Variants in MDP1 observed in about 807,000 individuals in gnomAD.
The protein encoded by MDP1 is magnesium dependent phosphatase 1, also known as magnesium-dependent phosphatase 1.
Under a neutral mutation model 21.6 loss-of-function variants are expected in MDP1, and 18 were observed. The observed-to-expected ratio is 0.83, with a 90% CI of 0.58 to 1.24. MDP1 has a LOEUF of 1.24. MDP1 is among the 50% of genes most tolerant of loss of function. The probability of loss-of-function intolerance (pLI) is 0.00; values close to 1 mark genes in which losing one functional copy is unlikely to be tolerated. For synonymous variants in MDP1, 101 were observed against 83.2 expected (o/e 1.21, Z -1.16); for missense variants, 207 against 218.6 (o/e 0.95, Z 0.33).
Position 24,215,779 on chromosome 14 carries a change from A to T in MDP1, c.56T>A (p.Phe19Tyr), listed in dbSNP as rs767754561. Residue 19 changes from phenylalanine to tyrosine, a missense_variant, in exon 2 of 6, where the codon TTC becomes TAC. Physicochemically the swap from Phe to Tyr is conservative, Grantham distance 22. Transcript: ENST00000288087. ...AGGGTCTACGTGCGTGTCGACCCAGAAAGGCCAGAGAGTGTAATCTGCGAG... is the reference window on the plus strand; with the variant it reads ...AGGGTCTACGTGCGTGTCGACCCAGTAAGGCCAGAGAGTGTAATCTGCGAG... ...VFDLDYTLWP[F>Y]WVDTHVDPPF... 6.2e-7 allele frequency: 1 copy of T among 1,614,184 alleles called. No homozygotes were observed. Among genetic ancestry groups the T allele is most frequent in the Non-Finnish European group, 8.5e-7 (1 of 1,180,032 alleles).
At position 24,213,985 on chromosome 14, in the gene MDP1, C is replaced by T. The variant is rs1191747497; in HGVS notation, c.*39G>A. Reference sequence around the variant, plus strand: ...CACACAGATGAACTTTAATAAATTACAAATGCACCTGAAAATGCCTTCTTG... The same window carrying T: ...CACACAGATGAACTTTAATAAATTATAAATGCACCTGAAAATGCCTTCTTG... On this transcript the variant is annotated 3_prime_UTR_variant, in exon 6 of 6. Coordinates refer to ENST00000288087, the MANE Select transcript of MDP1 (RefSeq NM_138476.4). The T allele has an allele frequency of 1.3e-6, 2 of 1,542,108 alleles. No individual in the cohort carries two copies. The highest frequency in any genetic ancestry group is 2.3e-5 in the East Asian group (1 of 44,180).
intron 4 of MDP1, 46 bp downstream of exon 4, chr14:24,214,446 C>T (rs953989666): frequency 7.4e-6 from 12 of 1,614,146 alleles, no homozygotes; most frequent in Non-Finnish European, 9.3e-6. Flanking sequence ...GTTTCCCAGG[C>T]CTCTCTGATA....
rs775015101 is a variant in MDP1 at position 24,215,636 on chromosome 14, C to T, written c.125G>A (p.Gly42Asp). ...SSDGTVRDRR[G>D]QDVRLYPEVP... ...CTCTGGGTACAGTCGGACGTCTTGG[C>T]CCCGCCTATCTCGTACAGTTCCATC... is the stretch of plus-strand genomic sequence containing the variant. Residue 42 changes from glycine (G) to aspartate (D), a missense_variant, in exon 3 of 6, where the codon GGC becomes GAC. Physicochemically the swap from Gly to Asp is moderately conservative, Grantham distance 94. Transcript: ENST00000288087. 1.4e-5 allele frequency: 23 copies of T among 1,614,054 alleles called. No homozygotes were observed. The highest frequency in any genetic ancestry group is 1.9e-5 in the Non-Finnish European group (23 of 1,180,044).
chr14:24,214,384 T>C lies in MDP1; in HGVS notation c.329A>G (p.Lys110Arg), dbSNP rs370925626. Residue 110 changes from lysine to arginine, a missense_variant, in exon 5 of 6, where the codon AAG becomes AGG. Physicochemically the swap from Lys to Arg is conservative, Grantham distance 26. Coordinates refer to ENST00000288087, the MANE Select transcript of MDP1 (RefSeq NM_138476.4). ...CATCTGGGAGAAAGGAATTCCAGTC[T>C]TCTGCTGCAACCTATTCAAGACAGG... The part of the protein sequence containing the change: ...KITHFERLQQ[K>R]TGIPFSQMIF... 3.2e-5 allele frequency: 51 copies of C among 1,614,088 alleles called. No individual in the cohort carries two copies. The highest frequency in any genetic ancestry group is 4.2e-5 in the Non-Finnish European group (50 of 1,180,050).
chr14:24,214,550 A>C lies in MDP1; in HGVS notation c.259T>G (p.Phe87Val). The change falls in exon 4 of 6, where the codon TTC becomes GTC. Residue 87 changes from phenylalanine (F) to valine (V), a missense_variant. By Grantham distance (50) the Phe-to-Val change is conservative. Coordinates refer to ENST00000288087, the MANE Select transcript of MDP1 (RefSeq NM_138476.4). ...ATTTCCCGATGAACAAAGTACCTGAAGAGGTCAAAGAGCTCCAGTAGCTGG... is the reference window on the plus strand; with the variant it reads ...ATTTCCCGATGAACAAAGTACCTGACGAGGTCAAAGAGCTCCAGTAGCTGG... The part of the protein sequence containing the change: ...ANQLLELFDL[F>V]RYFVHREIYP... 1 of 1,614,200 alleles carries C rather than the reference A, an allele frequency of 6.2e-7. No individual in the cohort carries two copies. Among genetic ancestry groups the C allele is most frequent in the South Asian group, 1.1e-5 (1 of 91,078 alleles).
chr14:24,215,633 T>C lies in MDP1; in HGVS notation c.128A>G (p.Gln43Arg), dbSNP rs759281065. 9 of 1,614,036 alleles carry C rather than the reference T, an allele frequency of 5.6e-6. No individual in the cohort carries two copies. The highest frequency in any genetic ancestry group is 2.2e-5 in the South Asian group (2 of 91,084). Residue 43 changes from glutamine to arginine, a missense_variant, in exon 3 of 6, where the codon CAA becomes CGA. By Grantham distance (43) the Gln-to-Arg change is conservative. Coordinates refer to ENST00000288087, the MANE Select transcript of MDP1 (RefSeq NM_138476.4). ...CACCTCTGGGTACAGTCGGACGTCT[T>C]GGCCCCGCCTATCTCGTACAGTTCC... ...SDGTVRDRRG[Q>R]DVRLYPEVPE...
rs764599103 is a variant in MDP1, at chr14:24,215,639, C to T, written c.122G>A (p.Arg41Gln). 2 of 1,614,176 alleles carry T rather than the reference C, an allele frequency of 1.2e-6. No individual in the cohort carries two copies. The highest frequency in any genetic ancestry group is 1.3e-5 in the African/African-American group (1 of 75,050). The change falls in exon 3 of 6, where the codon CGG (arginine) becomes CAG (glutamine). Residue 41 changes from arginine to glutamine, a missense_variant. Physicochemically the swap from Arg to Gln is conservative, Grantham distance 43. Transcript: ENST00000288087. ...KSSDGTVRDR[R>Q]GQDVRLYPEV... ...TGGGTACAGTCGGACGTCTTGGCCC[C>T]GCCTATCTCGTACAGTTCCATCACT...
rs745842019 is a variant in MDP1 at position 24,215,665 on chromosome 14, GGA to G, written c.99-5_99-4del. 2 of 1,614,176 alleles carry G rather than the reference GGA, an allele frequency of 1.2e-6. No individual in the cohort carries two copies. The highest frequency in any genetic ancestry group is 1.7e-6 in the Non-Finnish European group (2 of 1,180,034). Reference sequence around the variant, plus strand: ...GCCTATCTCGTACAGTTCCATCACTGGAGAGGGCAAGAGTGCGCTCAGCCCTG... The same window carrying G: ...GCCTATCTCGTACAGTTCCATCACTGGAGGGCAAGAGTGCGCTCAGCCCTG... On this transcript the variant is annotated splice_polypyrimidine_tract_variant and splice_region_variant and intron_variant, in intron 2 of 5. Coordinates refer to ENST00000288087, the MANE Select transcript of MDP1 (RefSeq NM_138476.4).
rs755822554 is a variant in MDP1, at chr14:24,214,070, G to C, written c.485C>G (p.Thr162Ser). 1.4e-5 allele frequency: 22 copies of C among 1,612,962 alleles called. No homozygotes were observed. In the African/African-American group the frequency reaches 1.9e-4, roughly 14 times the overall value. The change falls in exon 6 of 6, where the codon ACT becomes AGT. Residue 162 changes from threonine (T) to serine (S), a missense_variant. Thr to Ser is a moderately conservative substitution (Grantham distance 58). Transcript: ENST00000288087. ...CTCAAGGCTGGACCTCAAAGGCCCA[G>C]TTTGGGCCTTCGCAAATGTCTCTAA... Reference protein sequence around the residue: ...QGLETFAKAQTGPLRSSLEES... With the variant: ...QGLETFAKAQSGPLRSSLEES...
In MDP1 at chr14:24,215,763, G is replaced by A. The variant is rs766834674; in HGVS notation, c.72C>T (p.His24=). The A allele has an allele frequency of 6.2e-7, 1 of 1,614,212 alleles. No homozygotes were observed. The highest frequency in any genetic ancestry group is 1.1e-5 in the South Asian group (1 of 91,088). The change falls in exon 2 of 6, where the codon CAC becomes CAT. Residue 24 remains histidine (H), a synonymous_variant. Coordinates refer to ENST00000288087, the MANE Select transcript of MDP1 (RefSeq NM_138476.4). ...TGCTCTTATGGAACGGAGGGTCTAC[G>A]TGCGTGTCGACCCAGAAAGGCCAGA... ...YTLWPFWVDT[H]VDPPFHKSSD... is the part of the protein sequence containing the mutation.
chr14:24,215,391 CCA>C (rs1159231057), intron 3 of MDP1, among the ~76,000 whole-genome samples, 159 bp downstream of exon 3: 1 of 152,060 alleles, frequency 6.6e-6, no homozygotes, highest in Non-Finnish European at 1.5e-5. Context: ...CCTGCTGGCC[CCA>C]CTTTTTAATA....
rs1165281778 is a variant in MDP1, at chr14:24,214,104, T to C, written c.451A>G (p.Ser151Gly). The C allele has an allele frequency of 1.9e-6, 3 of 1,613,724 alleles. No homozygotes were observed. Among genetic ancestry groups the C allele is most frequent in the Non-Finnish European group, 2.5e-6 (3 of 1,179,812 alleles). ...TTCGCAAATGTCTCTAACCCTTGACTTAGAGTTTGAAGATTCATTCCATTC... is the reference window on the plus strand; with the variant it reads ...TTCGCAAATGTCTCTAACCCTTGACCTAGAGTTTGAAGATTCATTCCATTC... ...IQNGMNLQTL[S>G]QGLETFAKAQ... The change falls in exon 6 of 6, where the codon AGT becomes GGT. Residue 151 changes from serine (S) to glycine (G), a missense_variant. Ser to Gly is a moderately conservative substitution (Grantham distance 56, BLOSUM62 0). Transcript: ENST00000288087.
At position 24,215,564 on chromosome 14, in the gene MDP1, G is replaced by T; in HGVS notation, c.197C>A (p.Ala66Glu). The change falls in exon 3 of 6, where the codon GCG becomes GAG. Residue 66 changes from alanine to glutamate, a missense_variant. By Grantham distance (107) the Ala-to-Glu change is moderately radical (BLOSUM62 -1). Coordinates refer to ENST00000288087, the MANE Select transcript of MDP1 (RefSeq NM_138476.4). ...KRLQSLGVPG[A>E]AASRTSEIEG... ...TCGCTCTTCTTACCTTGAAGCAGCC[G>T]CACCGGGCACCCCAAGGCTCTGCAA... 6.2e-7 allele frequency: 1 copy of T among 1,614,124 alleles called. No individual in the cohort carries two copies. The highest frequency in any genetic ancestry group is 1.3e-5 in the African/African-American group (1 of 75,022).
chr14:24,215,330 C>T (rs1398948189), intron 3 of MDP1, among the ~76,000 whole-genome samples: 3 of 151,756 alleles, frequency 2.0e-5, no homozygotes, highest in Non-Finnish European at 2.9e-5. Context: ...GTGATCCACC[C>T]GCCTCGGCCT....
Position 24,215,626 on chromosome 14 carries a change from G to A in MDP1, c.135C>T (p.Val45=), listed in dbSNP as rs749224432. 33 of 1,614,038 alleles carry A rather than the reference G, an allele frequency of 2.0e-5. No individual in the cohort carries two copies. The highest frequency in any genetic ancestry group is 8.5e-7 in the Non-Finnish European group (1 of 1,180,054). Residue 45 remains valine, a synonymous_variant, in exon 3 of 6, where the codon GTC becomes GTT. Transcript: ENST00000288087. ...CCTCAGGCACCTCTGGGTACAGTCG[G>A]ACGTCTTGGCCCCGCCTATCTCGTA... is the stretch of plus-strand genomic sequence containing the variant. The part of the protein sequence containing the change: ...GTVRDRRGQD[V]RLYPEVPEVL...
intron 3 of MDP1, among the ~76,000 whole-genome samples, 182 bp downstream of exon 3, chr14:24,215,370 C>A (rs2039667128): frequency 6.6e-6 from 1 of 151,324 alleles, no homozygotes; most frequent in Non-Finnish European, 1.5e-5. Context: ...AGACGTGAGC[C>A]ACCGCGCCCG....
Position 24,215,673 on chromosome 14 carries a change from C to G in MDP1, c.99-11G>C, listed in dbSNP as rs755163433. ...CGTACAGTTCCATCACTGGAGAGGG[C>G]AAGAGTGCGCTCAGCCCTGGCTGGG... On this transcript the variant is annotated splice_polypyrimidine_tract_variant and intron_variant, in intron 2 of 5. Transcript: ENST00000288087. 5 of 1,614,058 alleles carry G rather than the reference C, an allele frequency of 3.1e-6. No individual in the cohort carries two copies. The highest frequency in any genetic ancestry group is 4.2e-6 in the Non-Finnish European group (5 of 1,180,034).
chr14:24,214,370 A>G lies in MDP1; in HGVS notation c.343T>C (p.Phe115Leu). 6.2e-7 allele frequency: 1 copy of G among 1,614,218 alleles called. No homozygotes were observed. Among genetic ancestry groups the G allele is most frequent in the Non-Finnish European group, 8.5e-7 (1 of 1,180,036 alleles). ...ERLQQKTGIP[F>L]SQMIFFDDER... ...TCATCAAAGAAGATCATCTGGGAGA[A>G]AGGAATTCCAGTCTTCTGCTGCAAC... Residue 115 changes from phenylalanine (F) to leucine (L), a missense_variant, in exon 5 of 6, where the codon TTC becomes CTC. Transcript: ENST00000288087.
In MDP1 at chr14:24,214,016, CT is replaced by C; in HGVS notation, c.*7del. On this transcript the variant is annotated 3_prime_UTR_variant, in exon 6 of 6. Coordinates refer to ENST00000288087, the MANE Select transcript of MDP1 (RefSeq NM_138476.4). ...CACCTGAAAATGCCTTCTTGATTTC[CT>C]TTCAGTTTAGGCCTCAAATGGGCTC... 1 of 1,561,676 alleles carries C rather than the reference CT, an allele frequency of 6.4e-7. No individual in the cohort carries two copies. The highest frequency in any genetic ancestry group is 8.6e-7 in the Non-Finnish European group (1 of 1,157,160).
Sources: gnomAD v4.1 joint callset for allele counts (sites outside exome capture counted in the v4.1 genomes callset) on GRCh38, gnomAD v4.1.1 for gene constraint, MANE v1.5 for transcripts, NCBI Gene and HGNC (gene_info 2026-07-23, HGNC 2026-07-21) for gene names.